The following TENM3 variants were observed in gnomAD, a reference collection of about 807,000 sequenced individuals.
TENM3 encodes teneurin transmembrane protein 3, also known as teneurin-3.
A neutral mutation model predicts 255.1 loss-of-function variants in TENM3; 63 were observed. The observed-to-expected ratio is 0.25, with a 90% CI of 0.20 to 0.30. The LOEUF (loss-of-function observed/expected upper bound fraction) is 0.30. TENM3 is among the 10% of genes least tolerant of loss of function. TENM3 has a pLI of 1.00. For synonymous variants in TENM3, 1,306 were observed against 1,322.3 expected (o/e 0.99, Z 0.27); for missense variants, 2,929 against 3,461.1 (o/e 0.85, Z 3.86).
At chr4:182,379,402 G>T (rs1178124811) in intron 3 of TENM3, among the ~76,000 whole-genome samples, 1 of 152,154 alleles carries the variant, frequency 6.6e-6, no homozygotes, top group African/African-American at 2.4e-5. Context: ...GCATAAAAAT[G>T]GGGCAGGGAA....
At chr4:181,878,621 C>T in the TENM3 span, among the ~76,000 whole-genome samples, 4 of 152,030 alleles carry the variant, frequency 2.6e-5, no homozygotes, top group Non-Finnish European at 4.4e-5. Context: ...AATATGTTGT[C>T]TTCCTTATTT....
the TENM3 span, among the ~76,000 whole-genome samples, chr4:181,872,374 T>G: frequency 6.6e-6 from 1 of 151,560 alleles, no homozygotes; most frequent in African/African-American, 2.4e-5. Flanking sequence ...GTTACATAGG[T>G]AAACTTGTGT....
chr4:181,605,581 AAAGGAAAG>A, the TENM3 span, among the ~76,000 whole-genome samples: 1,243 of 33,782 alleles, frequency 0.037, 172 homozygotes, highest in Middle Eastern at 0.1. Context: ...AGAGAGAAAG[AAAGGAAAG>A]AAAGAAAGAA....
the TENM3 span, among the ~76,000 whole-genome samples, chr4:181,902,220 A>C: frequency 6.6e-6 from 1 of 152,056 alleles, no homozygotes; most frequent in East Asian, 1.9e-4. Flanking sequence ...AAGAGCAGAA[A>C]ATTTGTTTAA....
At chr4:182,083,820 G>T in the TENM3 span, among the ~76,000 whole-genome samples, 1 of 152,134 alleles carries the variant, frequency 6.6e-6, no homozygotes, top group Non-Finnish European at 1.5e-5. Context: ...TTTTTGAGAA[G>T]AGTTGGTCTC....
chr4:181,566,729 T>G, the TENM3 span, among the ~76,000 whole-genome samples: 1 of 152,336 alleles, frequency 6.6e-6, no homozygotes, highest in South Asian at 2.1e-4. Context: ...TCCAGCCGTG[T>G]GTTCACACTA....
intron 6 of TENM3, among the ~76,000 whole-genome samples, chr4:182,660,826 C>T (rs1754165017): frequency 6.6e-6 from 1 of 152,172 alleles, no homozygotes; most frequent in Non-Finnish European, 1.5e-5. Flanking sequence ...ATGATCACAG[C>T]TATTGTTTCC....
intron 1 of TENM3, among the ~76,000 whole-genome samples, chr4:182,244,560 A>G (rs1261836810): frequency 1.3e-5 from 2 of 152,172 alleles, no homozygotes; most frequent in African/African-American, 4.8e-5. Context: ...AAATTTTAAG[A>G]TGCCTCAGCT....
At chr4:181,847,860 T>A in the TENM3 span, among the ~76,000 whole-genome samples, 3 of 152,254 alleles carry the variant, frequency 2.0e-5, no homozygotes, top group African/African-American at 7.2e-5. Flanking sequence ...TATATTAGAG[T>A]ACAATTTTTA....
At chr4:181,589,265 C>T in the TENM3 span, among the ~76,000 whole-genome samples, 23 of 152,236 alleles carry the variant, frequency 1.5e-4, no homozygotes, top group South Asian at 4.1e-3. Flanking sequence ...TAAACACATA[C>T]GTTTTTATTT....
the TENM3 span, among the ~76,000 whole-genome samples, chr4:181,460,098 A>C: frequency 5.0e-4 from 76 of 152,070 alleles, 1 homozygote; most frequent in Non-Finnish European, 3.2e-4. Context: ...GTATTGTAGT[A>C]TAAATTCCAT....
At chr4:182,564,154 C>T (rs1250997348) in intron 3 of TENM3, among the ~76,000 whole-genome samples, 1 of 152,096 alleles carries the variant, frequency 6.6e-6, no homozygotes, top group African/African-American at 2.4e-5. Context: ...CTTTTTGAAC[C>T]ATTGGATAGG....
chr4:181,576,152 C>T, the TENM3 span, among the ~76,000 whole-genome samples: 6 of 152,130 alleles, frequency 3.9e-5, no homozygotes, highest in East Asian at 3.9e-4. Flanking sequence ...CCACATGCTA[C>T]GGCCATATGT....
chr4:182,408,325 C>T (rs769206933), intron 3 of TENM3, among the ~76,000 whole-genome samples: 5 of 152,134 alleles, frequency 3.3e-5, no homozygotes, highest in African/African-American at 9.7e-5. Flanking sequence ...ATTCCTTAGT[C>T]GACAGTTCTT....
chr4:181,697,498 A>G, the TENM3 span, among the ~76,000 whole-genome samples: 2 of 152,076 alleles, frequency 1.3e-5, no homozygotes, highest in East Asian at 3.9e-4. Context: ...GGTTCAAGCG[A>G]TTCTTCTGCC....
intron 6 of TENM3, among the ~76,000 whole-genome samples, chr4:182,656,716 C>T (rs527702972): frequency 6.6e-6 from 1 of 152,314 alleles, no homozygotes. Context: ...AAATGTAATA[C>T]TCTTACTTGT....
At chr4:182,237,092 A>G (rs536534506) in intron 1 of TENM3, among the ~76,000 whole-genome samples, 1 of 152,156 alleles carries the variant, frequency 6.6e-6, no homozygotes, top group Non-Finnish European at 1.5e-5. Flanking sequence ...ATAAGTGAGA[A>G]CAGGCAGTGT....
chr4:181,934,457 A>T, the TENM3 span, among the ~76,000 whole-genome samples: 2 of 152,170 alleles, frequency 1.3e-5, no homozygotes, highest in African/African-American at 4.8e-5. Context: ...TTATATTTGT[A>T]TGTATTAGAC....
At chr4:182,713,505 C>T (rs761306705) in intron 12 of TENM3, among the ~76,000 whole-genome samples, 1 of 152,150 alleles carries the variant, frequency 6.6e-6, no homozygotes, top group Non-Finnish European at 1.5e-5. Flanking sequence ...TTAATCCTGG[C>T]CTATACTTTG....
Sources: allele counts gnomAD v4.1 joint callset (sites outside exome capture counted in the v4.1 genomes callset), GRCh38; gene constraint gnomAD v4.1.1; transcripts MANE v1.5; gene names NCBI Gene and HGNC (gene_info 2026-07-23, HGNC 2026-07-21).